INPP4B: variants seen among roughly 807,000 people sequenced by gnomAD.
INPP4B encodes inositol polyphosphate-4-phosphatase type II B, also known as inositol polyphosphate 4-phosphatase type II.
A neutral mutation model predicts 122.5 loss-of-function variants in INPP4B; 55 were observed. The ratio of observed to expected loss-of-function variants is 0.45; its 90% confidence interval spans 0.36 to 0.56. The LOEUF is 0.56. Ranked by LOEUF, INPP4B falls within the 20% of genes least tolerant of loss-of-function variation. INPP4B has a pLI of 0.00. For synonymous variants in INPP4B, 403 were observed against 388.7 expected, an observed-to-expected ratio of 1.04 and a Z score of -0.43; for missense variants, 1,000 against 1,097.7, an observed-to-expected ratio of 0.91 and a Z score of 1.26.
intron 2 of INPP4B, among the ~76,000 whole-genome samples, chr4:142,479,784 G>A (rs547516856): frequency 8.6e-5 from 13 of 152,044 alleles, no homozygotes; most frequent in Admixed American, 3.9e-4. Context: ...ACAAAGAAGG[G>A]AATAGATACT....
intron 8 of INPP4B, among the ~76,000 whole-genome samples, chr4:142,310,296 T>C (rs1765011546): frequency 6.6e-6 from 1 of 152,134 alleles, no homozygotes; most frequent in African/African-American, 2.4e-5. Context: ...GAATGCTTAG[T>C]ATGAAAAAAG....
At chr4:142,733,436 A>G (rs1766385330) in intron 1 of INPP4B, among the ~76,000 whole-genome samples, 2 of 152,302 alleles carry the variant, frequency 1.3e-5, no homozygotes, top group South Asian at 4.1e-4. Flanking sequence ...CAATAAGAAA[A>G]TGAGACAACT....
intron 2 of INPP4B, among the ~76,000 whole-genome samples, chr4:142,626,847 T>C (rs774761543): frequency 3.9e-5 from 6 of 152,052 alleles, no homozygotes; most frequent in Non-Finnish European, 7.4e-5. Flanking sequence ...AATAAACTAG[T>C]AGTGTTTGAT....
At chr4:142,601,509 G>A (rs1284040124) in intron 2 of INPP4B, among the ~76,000 whole-genome samples, 1 of 147,292 alleles carries the variant, frequency 6.8e-6, no homozygotes, top group Non-Finnish European at 1.5e-5. Context: ...AATAAAAATG[G>A]AAACATGACA....
At chr4:142,613,281 C>T (rs942360832) in intron 2 of INPP4B, among the ~76,000 whole-genome samples, 55 of 152,194 alleles carry the variant, frequency 3.6e-4, no homozygotes, top group African/African-American at 1.3e-3. Flanking sequence ...TGCAGCTGAA[C>T]ATAAGCGAAA....
chr4:142,390,827 A>G (rs1797446726), intron 7 of INPP4B, among the ~76,000 whole-genome samples: 1 of 152,202 alleles, frequency 6.6e-6, no homozygotes, highest in Non-Finnish European at 1.5e-5. Flanking sequence ...AGTCATTTCC[A>G]CAGTTAATTG....
intron 2 of INPP4B, among the ~76,000 whole-genome samples, chr4:142,510,153 A>C (rs1215446486): frequency 6.6e-6 from 1 of 152,180 alleles, no homozygotes; most frequent in Non-Finnish European, 1.5e-5. Flanking sequence ...TTAGATGTTT[A>C]ATTTTTCTAT....
At chr4:142,206,428 T>C (rs1842626167) in intron 14 of INPP4B, among the ~76,000 whole-genome samples, 2 of 151,404 alleles carry the variant, frequency 1.3e-5, no homozygotes, top group South Asian at 4.2e-4. Context: ...AAATTTCATA[T>C]ACTTGATCAC....
At chr4:142,439,654 C>T (rs1309680130) in intron 3 of INPP4B, among the ~76,000 whole-genome samples, 1 of 152,164 alleles carries the variant, frequency 6.6e-6, no homozygotes, top group Non-Finnish European at 1.5e-5. Context: ...TATGAAGCAG[C>T]ATACAAGTAA....
At chr4:142,449,682 G>C (rs1244363803) in intron 3 of INPP4B, among the ~76,000 whole-genome samples, 1 of 149,990 alleles carries the variant, frequency 6.7e-6, no homozygotes, top group Non-Finnish European at 1.5e-5. Flanking sequence ...CCTGGTGACA[G>C]AGCAAGACTC....
chr4:142,788,166 G>A (rs116282640), intron 1 of INPP4B, among the ~76,000 whole-genome samples: 3,269 of 152,104 alleles, frequency 0.021, 66 homozygotes, highest in Non-Finnish European at 0.028. Flanking sequence ...AGTACATTTA[G>A]AGCAAATAAT....
chr4:142,030,324 G>A (rs1331966030), intron 25 of INPP4B: 21 of 1,530,230 alleles, frequency 1.4e-5, no homozygotes, highest in Non-Finnish European at 1.8e-5. Context: ...GGGGAAGTTG[G>A]GGGGGAAAAG....
chr4:142,692,914 T>TATAG (rs3080817), intron 2 of INPP4B, among the ~76,000 whole-genome samples: 4,818 of 148,286 alleles, frequency 0.032, 257 homozygotes, highest in African/African-American at 0.11. Context: ...GGCTAGTCTC[T>TATAG]ATAGATAGAT....
chr4:142,668,550 C>T (rs1188622086), intron 2 of INPP4B, among the ~76,000 whole-genome samples: 1 of 152,134 alleles, frequency 6.6e-6, no homozygotes, highest in Non-Finnish European at 1.5e-5. Context: ...AAAGGAATAA[C>T]TTAAATTGTC....
At chr4:142,715,604 G>C (rs28436714) in intron 2 of INPP4B, among the ~76,000 whole-genome samples, 1,693 of 152,242 alleles carry the variant, frequency 0.011, 35 homozygotes, top group African/African-American at 0.039. Flanking sequence ...TAGAAATAAA[G>C]GCATAGGTGA....
intron 2 of INPP4B, among the ~76,000 whole-genome samples, chr4:142,571,720 A>G (rs1289930343): frequency 6.6e-6 from 1 of 152,316 alleles, no homozygotes; most frequent in East Asian, 1.9e-4. Context: ...ATTAAATAAA[A>G]TGATATTTTG....
intron 15 of INPP4B, among the ~76,000 whole-genome samples, chr4:142,176,783 G>A (rs1006814824): frequency 2.0e-5 from 3 of 152,060 alleles, no homozygotes; most frequent in Non-Finnish European, 2.9e-5. Context: ...ACGCAGGGAC[G>A]GAGCATCTTT....
At chr4:142,037,314 T>A (rs1744593794) in intron 25 of INPP4B, among the ~76,000 whole-genome samples, 1 of 152,176 alleles carries the variant, frequency 6.6e-6, no homozygotes, top group Admixed American at 6.6e-5. Flanking sequence ...TTGATGACAT[T>A]TGCTTATTTC....
intron 7 of INPP4B, among the ~76,000 whole-genome samples, chr4:142,363,513 C>T (rs970692167): frequency 6.6e-6 from 1 of 151,902 alleles, no homozygotes; most frequent in Admixed American, 6.6e-5. Context: ...GTTACTTGAG[C>T]CTCACATGCT....
Sources: gnomAD v4.1 joint callset for allele counts (sites outside exome capture counted in the v4.1 genomes callset) on GRCh38, gnomAD v4.1.1 for gene constraint, MANE v1.5 for transcripts, NCBI Gene and HGNC (gene_info 2026-07-23, HGNC 2026-07-21) for gene names.